The following WNT3A variants were observed in gnomAD, a reference collection of about 807,000 sequenced individuals.
WNT3A encodes the protein Wnt family member 3A, also known as protein Wnt-3a.
A neutral mutation model predicts 37.0 loss-of-function variants in WNT3A; 17 were observed. The observed-to-expected ratio is 0.46, with a 90% CI of 0.31 to 0.69. The LOEUF is 0.69. Among genes scored for constraint, WNT3A ranks in the 30% least tolerant of loss-of-function variants. The pLI is 0.05. For missense variants in WNT3A, 411 were observed against 510.2 expected (o/e 0.81, Z 1.87); for synonymous variants, 187 against 211.0 (o/e 0.89, Z 0.99).
chr1:228,060,245 C>T lies in WNT3A; in HGVS notation c.*780C>T, dbSNP rs2031775079. 1 of 1,351,684 alleles carries T rather than the reference C, an allele frequency of 7.4e-7. No homozygotes were observed. Among genetic ancestry groups the T allele is most frequent in the African/African-American group, 1.5e-5 (1 of 67,728 alleles). The allele number at this position is 1,351,684 out of a possible 1,614,324, so 83.7% of individuals were successfully genotyped here. A position where few individuals can be genotyped will look rare whatever the true frequency, so the allele number is the denominator to read the frequency against. On this transcript the variant is annotated 3_prime_UTR_variant, in exon 4 of 4. Coordinates refer to ENST00000284523, the MANE Select transcript of WNT3A (RefSeq NM_033131.4). The stretch of plus-strand genomic sequence containing the variant: ...AGGAAATTCAGCCCACCAGCCACCT[C>T]ATCCCCAACCCCCTGTAAGGTTCCA...
intron 2 of WNT3A, among the ~76,000 whole-genome samples, chr1:228,028,511 A>G (rs980558638): frequency 2.0e-5 from 3 of 151,950 alleles, no homozygotes; most frequent in Non-Finnish European, 4.4e-5. Context: ...TTTAATAGAG[A>G]CGGAGTTTTG....
At chr1:228,024,297 G>A (rs1379111740) in intron 2 of WNT3A, among the ~76,000 whole-genome samples, 1 of 152,096 alleles carries the variant, frequency 6.6e-6, no homozygotes, top group African/African-American at 2.4e-5. Flanking sequence ...ATTGTTTGAG[G>A]GTTCCAGATT....
chr1:228,059,393 C>A lies in WNT3A; in HGVS notation c.987C>A (p.Cys329Ter). 3 of 1,561,100 alleles carry A rather than the reference C, an allele frequency of 1.9e-6. No homozygotes were observed. The highest frequency in any genetic ancestry group is 2.6e-6 in the Non-Finnish European group (3 of 1,157,660). ...AGCGGCGCCGGGAGAAGTGCCGCTG[C>A]GTGTTCCACTGGTGCTGCTACGTCA... ...RAERRREKCR[C>*]VFHWCCYVSC... is the part of the protein sequence containing the mutation. The change falls in exon 4 of 4, where the codon TGC becomes TGA. Residue 329 changes from cysteine (C) to a stop codon, truncating the protein, a stop_gained. Transcript: ENST00000284523. LOFTEE classifies it high-confidence loss of function.
In WNT3A at chr1:228,059,470, C is replaced by A. The variant is rs764471622; in HGVS notation, c.*5C>A. 2 of 1,494,986 alleles carry A rather than the reference C, an allele frequency of 1.3e-6. No individual in the cohort carries two copies. Among genetic ancestry groups the A allele is most frequent in the Admixed American group, 2.2e-5 (1 of 45,386 alleles). The allele number at this position is 1,494,986 out of a possible 1,614,324, so 92.6% of individuals were successfully genotyped here. On this transcript the variant is annotated 3_prime_UTR_variant, in exon 4 of 4. Transcript: ENST00000284523. ...GACGTGCACACCTGCAAGTAGGCAC[C>A]GGCCGCGGCTCCCCCTGGACGGGGC...
At chr1:228,053,286 T>C (rs1029333320) in intron 3 of WNT3A, among the ~76,000 whole-genome samples, 1 of 152,016 alleles carries the variant, frequency 6.6e-6, no homozygotes, top group Non-Finnish European at 1.5e-5. Context: ...GATAGCAACA[T>C]GGAAAAAAAA....
At chr1:228,019,397 G>A (rs1019249011) in intron 1 of WNT3A, among the ~76,000 whole-genome samples, 1 of 152,222 alleles carries the variant, frequency 6.6e-6, no homozygotes, top group Admixed American at 6.5e-5. Context: ...TAAGCAGCAA[G>A]CTCTAAGTGG....
In WNT3A at chr1:228,041,339, T is replaced by TA. The variant is rs201417246; in HGVS notation, c.314-9316dup. 8.3e-3 allele frequency among the ~76,000 whole-genome samples: 1,257 copies of TA among 152,132 alleles called. 19 individuals carry two copies. The highest frequency in any genetic ancestry group is 0.028 in the African/African-American group (1,179 of 41,480). ...TGCCTTTCCCTAAATGCCCACCTCTTACCACCTAGAACTCCCTCACCTTCT... is the reference window on the plus strand; with the variant it reads ...TGCCTTTCCCTAAATGCCCACCTCTTAACCACCTAGAACTCCCTCACCTTCT... On this transcript the variant is annotated intron_variant, in intron 2 of 3. Transcript: ENST00000284523.
intron 3 of WNT3A, among the ~76,000 whole-genome samples, chr1:228,058,708 T>C (rs2031729904): frequency 6.6e-6 from 1 of 152,226 alleles, no homozygotes. Flanking sequence ...CTGTCCTTCA[T>C]TCGCTCCACC....
intron 1 of WNT3A, among the ~76,000 whole-genome samples, chr1:228,010,126 C>A (rs1361743351): frequency 6.6e-6 from 1 of 152,248 alleles, no homozygotes; most frequent in East Asian, 1.9e-4. Flanking sequence ...TTCTCAGGAA[C>A]AAGAATTCTT....
At chr1:228,055,179 A>AATATAT (rs1180107835) in intron 3 of WNT3A, among the ~76,000 whole-genome samples, 389 of 19,066 alleles carry the variant, frequency 0.02, 5 homozygotes, top group Non-Finnish European at 0.025. Flanking sequence ...AAAAAAAAAA[A>AATATAT]ATATATATAT....
intron 1 of WNT3A, among the ~76,000 whole-genome samples, chr1:228,012,587 C>A (rs2030405974): frequency 6.6e-6 from 1 of 152,080 alleles, no homozygotes; most frequent in Admixed American, 6.5e-5. Context: ...GATTTTTGAC[C>A]CAAACGTGAG....
chr1:228,058,044 A>G (rs1571818384), intron 3 of WNT3A, among the ~76,000 whole-genome samples: 1 of 152,098 alleles, frequency 6.6e-6, no homozygotes, highest in Non-Finnish European at 1.5e-5. Context: ...CAAGTGAGCC[A>G]CCCGCCTTGG....
chr1:228,025,979 G>C (rs192051850), intron 2 of WNT3A, among the ~76,000 whole-genome samples: 2 of 145,878 alleles, frequency 1.4e-5, no homozygotes, highest in East Asian at 4.1e-4. Flanking sequence ...GGCTGGTCTT[G>C]AACTTTTGGG....
intron 2 of WNT3A, among the ~76,000 whole-genome samples, chr1:228,044,392 C>T (rs1365769500): frequency 6.6e-6 from 1 of 152,154 alleles, no homozygotes; most frequent in Non-Finnish European, 1.5e-5. Flanking sequence ...CCTTTTCTGT[C>T]CCAGAACCCC....
At chr1:228,012,661 C>G (rs181114986) in intron 1 of WNT3A, among the ~76,000 whole-genome samples, 87 of 152,196 alleles carry the variant, frequency 5.7e-4, no homozygotes, top group African/African-American at 2.0e-3. Context: ...TCAGAAGACC[C>G]GCTTCATGTC....
chr1:228,030,665 C>T (rs2030980144), intron 2 of WNT3A, among the ~76,000 whole-genome samples: 1 of 152,192 alleles, frequency 6.6e-6, no homozygotes, highest in African/African-American at 2.4e-5. Context: ...CTGTGTCTTC[C>T]AGCCCCACTG....
At chr1:228,021,232 A>G (rs571198370) in intron 1 of WNT3A, among the ~76,000 whole-genome samples, 2 of 152,352 alleles carry the variant, frequency 1.3e-5, no homozygotes, top group Admixed American at 6.5e-5. Context: ...CACGTGAAGC[A>G]TGGCTGGTGC....
rs902855871 is a variant in WNT3A, at chr1:228,060,113, G to A, written c.*648G>A. ...CCTTCCTGTGGGTGGGGCTTCTCTG[G>A]GACCAGGCTCCAATGGGGCGGGGCT... is the stretch of plus-strand genomic sequence containing the variant. On this transcript the variant is annotated 3_prime_UTR_variant, in exon 4 of 4. Coordinates refer to ENST00000284523, the MANE Select transcript of WNT3A (RefSeq NM_033131.4). 7.7e-6 allele frequency: 10 copies of A among 1,302,224 alleles called. No individual in the cohort carries two copies. The highest frequency in any genetic ancestry group is 4.3e-5 in the Admixed American group (2 of 46,974). 80.7% of individuals were successfully genotyped at this position (1,302,224 alleles called of 1,614,324 possible).
chr1:228,019,791 G>A (rs2030631590), intron 1 of WNT3A, among the ~76,000 whole-genome samples: 1 of 152,206 alleles, frequency 6.6e-6, no homozygotes, highest in South Asian at 2.1e-4. Context: ...ACTGTAGCAG[G>A]CACGTCCTGA....
Sources: allele counts gnomAD v4.1 joint callset (sites outside exome capture counted in the v4.1 genomes callset), GRCh38; gene constraint gnomAD v4.1.1; transcripts MANE v1.5; gene names NCBI Gene and HGNC (gene_info 2026-07-23, HGNC 2026-07-21).